Variants in EPHA3 observed in about 807,000 individuals in gnomAD.
EPHA3 encodes EPH receptor A3.
EPHA3 carries 42 observed loss-of-function variants against 107.1 expected under a neutral mutation model. The observed-to-expected ratio is 0.39, with a 90% CI of 0.31 to 0.51. EPHA3 has a LOEUF of 0.51. EPHA3 is among the 20% of genes least tolerant of loss of function. The probability of loss-of-function intolerance (pLI) is 0.78; values close to 1 mark genes in which losing one functional copy is unlikely to be tolerated. For synonymous variants in EPHA3, 461 were observed against 424.8 expected (o/e 1.09, Z -1.05); for missense variants, 1,183 against 1,211.2 (o/e 0.98, Z 0.35).
At chr3:89,247,850 GT>G (rs1330118304) in intron 3 of EPHA3, among the ~76,000 whole-genome samples, 1 of 152,068 alleles carries the variant, frequency 6.6e-6, no homozygotes, top group Non-Finnish European at 1.5e-5. Flanking sequence ...AATCTAGAGA[GT>G]GGATGAAATT....
chr3:89,419,820 T>C (rs1271024167), intron 11 of EPHA3, among the ~76,000 whole-genome samples: 1 of 151,328 alleles, frequency 6.6e-6, no homozygotes, highest in East Asian at 1.9e-4. Flanking sequence ...ACCCCCTGCA[T>C]CCCTGCCTTT....
intron 3 of EPHA3, among the ~76,000 whole-genome samples, chr3:89,230,806 C>T (rs67268160): frequency 0.018 from 2,218 of 121,994 alleles, 36 homozygotes; most frequent in African/African-American, 0.054. Context: ...TCTCTCTCTC[C>T]CTCTCTCTCT....
chr3:89,212,038 T>C (rs1704114433), intron 3 of EPHA3, among the ~76,000 whole-genome samples: 1 of 151,770 alleles, frequency 6.6e-6, no homozygotes, highest in African/African-American at 2.4e-5. Flanking sequence ...TTACAATAAA[T>C]TTGGTGAAAT....
At chr3:89,154,461 T>G (rs1323995928) in intron 2 of EPHA3, among the ~76,000 whole-genome samples, 1 of 151,950 alleles carries the variant, frequency 6.6e-6, no homozygotes, top group African/African-American at 2.4e-5. Flanking sequence ...TACTGCTAAT[T>G]ATGTATAAAT....
At chr3:89,150,534 T>C (rs1374512909) in intron 2 of EPHA3, among the ~76,000 whole-genome samples, 1 of 152,042 alleles carries the variant, frequency 6.6e-6, no homozygotes, top group Non-Finnish European at 1.5e-5. Context: ...CTTCATTTTA[T>C]GACCAATAGT....
At chr3:89,307,259 A>G (rs1269212922) in intron 3 of EPHA3, among the ~76,000 whole-genome samples, 2 of 152,208 alleles carry the variant, frequency 1.3e-5, no homozygotes, top group African/African-American at 2.4e-5. Context: ...CTTTGTAGCC[A>G]GCATCCATAA....
chr3:89,219,688 G>GTTTTTTT lies in EPHA3; in HGVS notation c.814+9176_814+9182dup. On this transcript the variant is annotated intron_variant, in intron 3 of 16. Transcript: ENST00000336596. ...TTACCTCCAAGAGGCATTTGGCAAT[G>GTTTTTTT]TTTTTTTTTTTTTTGTTTTTTGTTT... Among the ~76,000 whole-genome samples, 313 of 34,430 alleles carry GTTTTTTT rather than the reference G, an allele frequency of 9.1e-3. 86 individuals carry two copies. The highest frequency in any genetic ancestry group is 0.012 in the Admixed American group (31 of 2,504). 22.6% of individuals were successfully genotyped at this position (34,430 alleles called of 152,430 possible).
chr3:89,300,002 AT>A (rs1403771802), intron 3 of EPHA3, among the ~76,000 whole-genome samples: 1 of 152,002 alleles, frequency 6.6e-6, no homozygotes, highest in African/African-American at 2.4e-5. Context: ...ATTTATCATG[AT>A]TTGGCCACTA....
intron 5 of EPHA3, among the ~76,000 whole-genome samples, chr3:89,343,845 G>C (rs944560978): frequency 6.6e-6 from 1 of 152,122 alleles, no homozygotes. Context: ...AGACCAACCA[G>C]TATATGCTTT....
intron 3 of EPHA3, among the ~76,000 whole-genome samples, chr3:89,255,648 C>A (rs1705267794): frequency 6.6e-6 from 1 of 151,926 alleles, no homozygotes; most frequent in African/African-American, 2.4e-5. Flanking sequence ...TGCCTGTAAT[C>A]CTAACACTTT....
At chr3:89,182,416 A>T (rs901311626) in intron 2 of EPHA3, among the ~76,000 whole-genome samples, 3 of 151,998 alleles carry the variant, frequency 2.0e-5, no homozygotes, top group Non-Finnish European at 2.9e-5. Flanking sequence ...TTTAAAAATA[A>T]GAGGTAGGAA....
intron 3 of EPHA3, among the ~76,000 whole-genome samples, chr3:89,240,155 A>T (rs760222195): frequency 6.6e-6 from 1 of 152,174 alleles, no homozygotes; most frequent in Admixed American, 6.6e-5. Flanking sequence ...GAAATAATAC[A>T]TTTGTATGGC....
At chr3:89,121,097 G>T (rs769739849) in intron 1 of EPHA3, among the ~76,000 whole-genome samples, 2 of 152,070 alleles carry the variant, frequency 1.3e-5, no homozygotes, top group Non-Finnish European at 2.9e-5. Context: ...TTAGCCAGGC[G>T]TGGTGGCAGG....
At chr3:89,254,494 T>A (rs556194130) in intron 3 of EPHA3, among the ~76,000 whole-genome samples, 52 of 152,274 alleles carry the variant, frequency 3.4e-4, no homozygotes, top group African/African-American at 1.2e-3. Context: ...TCTCTTAAAC[T>A]CCACATCCTA....
At chr3:89,473,120 T>C (rs1484519996) in intron 16 of EPHA3, among the ~76,000 whole-genome samples, 2 of 152,210 alleles carry the variant, frequency 1.3e-5, no homozygotes, top group African/African-American at 4.8e-5. Flanking sequence ...ACAACATGTA[T>C]TCATCATTGT....
At chr3:89,224,893 A>G (rs1446561606) in intron 3 of EPHA3, among the ~76,000 whole-genome samples, 1 of 151,914 alleles carries the variant, frequency 6.6e-6, no homozygotes, top group Non-Finnish European at 1.5e-5. Flanking sequence ...ATAAAAAAAT[A>G]AAAAGCATAC....
At chr3:89,206,244 G>C (rs182968125) in intron 2 of EPHA3, among the ~76,000 whole-genome samples, 1 of 152,172 alleles carries the variant, frequency 6.6e-6, no homozygotes, top group East Asian at 1.9e-4. Context: ...TGTTTTCAAG[G>C]ACTTGTGGTA....
chr3:89,210,075 C>T lies in EPHA3; in HGVS notation c.369C>T (p.Tyr123=), dbSNP rs1405472784. Reference sequence around the variant, plus strand: ...CTTGCAAGGAGACATTCAACCTGTACTACATGGAGTCTGATGATGATCATG... The same window carrying T: ...CTTGCAAGGAGACATTCAACCTGTATTACATGGAGTCTGATGATGATCATG... ...LGTCKETFNL[Y]YMESDDDHGV... is the part of the protein sequence containing the mutation. Residue 123 remains tyrosine, a synonymous_variant, in exon 3 of 17, where the codon TAC becomes TAT. Coordinates refer to ENST00000336596, the MANE Select transcript of EPHA3 (RefSeq NM_005233.6). 2.5e-6 allele frequency: 4 copies of T among 1,613,986 alleles called. No homozygotes were observed. The highest frequency in any genetic ancestry group is 2.5e-6 in the Non-Finnish European group (3 of 1,179,918).
intron 3 of EPHA3, among the ~76,000 whole-genome samples, chr3:89,275,859 T>C (rs2107305982): frequency 6.6e-6 from 1 of 152,184 alleles, no homozygotes; most frequent in African/African-American, 2.4e-5. Context: ...GGTACTATAA[T>C]AATGAATAAA....
Sources: gnomAD v4.1 joint callset for allele counts (sites outside exome capture counted in the v4.1 genomes callset) on GRCh38, gnomAD v4.1.1 for gene constraint, MANE v1.5 for transcripts, NCBI Gene and HGNC (gene_info 2026-07-23, HGNC 2026-07-21) for gene names.